The following SORCS2 variants were observed in gnomAD, a reference collection of about 807,000 sequenced individuals.
The protein encoded by SORCS2 is VPS10 domain-containing receptor SorCS2.
Under a neutral mutation model 141.6 loss-of-function variants are expected in SORCS2, and 100 were observed. The observed-to-expected ratio is 0.71, with a 90% confidence interval of 0.60 to 0.83. The LOEUF (loss-of-function observed/expected upper bound fraction) is 0.83. SORCS2 is among the 40% of genes least tolerant of loss of function. The pLI, the probability that SORCS2 is intolerant of heterozygous loss-of-function variation, is 0.00. For missense variants in SORCS2, 1,646 were observed against 1,560.2 expected, an observed-to-expected ratio of 1.05 and a Z score of -0.93; for synonymous variants, 789 against 676.9, an observed-to-expected ratio of 1.17 and a Z score of -2.57.
intron 1 of SORCS2, among the ~76,000 whole-genome samples, chr4:7,380,012 G>T (rs1185171808): frequency 6.6e-6 from 1 of 152,202 alleles, no homozygotes; most frequent in Non-Finnish European, 1.5e-5. Flanking sequence ...CCAGAGCCTG[G>T]CTGAGGACAG....
intron 2 of SORCS2, among the ~76,000 whole-genome samples, chr4:7,445,403 A>G (rs573873548): frequency 6.6e-6 from 1 of 152,224 alleles, no homozygotes; most frequent in African/African-American, 2.4e-5. Flanking sequence ...TCACAGCCCA[A>G]GATGTGGGAG....
At chr4:7,544,486 C>G (rs1458850626) in intron 3 of SORCS2, among the ~76,000 whole-genome samples, 1 of 152,176 alleles carries the variant, frequency 6.6e-6, no homozygotes, top group Non-Finnish European at 1.5e-5. Flanking sequence ...GCCTGAGCAT[C>G]CAAGGCAACA....
intron 1 of SORCS2, among the ~76,000 whole-genome samples, chr4:7,356,233 T>C (rs559233878): frequency 2.0e-5 from 3 of 152,390 alleles, no homozygotes; most frequent in Non-Finnish European, 4.4e-5. Flanking sequence ...CACCACCAGA[T>C]ACAGTATGCA....
intron 10 of SORCS2, among the ~76,000 whole-genome samples, chr4:7,688,702 C>G (rs189528555): frequency 1.6e-5 from 2 of 125,736 alleles, no homozygotes; most frequent in Admixed American, 1.7e-4. Context: ...CTATGGAGTT[C>G]CCTGACTTGG....
At chr4:7,339,704 T>C (rs1197212603) in intron 1 of SORCS2, among the ~76,000 whole-genome samples, 2 of 152,234 alleles carry the variant, frequency 1.3e-5, no homozygotes, top group African/African-American at 4.8e-5. Context: ...TAAGGGCACA[T>C]TCGTAGGTCC....
At chr4:7,717,349 C>T (rs1228872358) in intron 17 of SORCS2, among the ~76,000 whole-genome samples, 1 of 152,350 alleles carries the variant, frequency 6.6e-6, no homozygotes, top group Non-Finnish European at 1.5e-5. Context: ...TGTGGTTTCA[C>T]TCTGACGTGA....
At chr4:7,217,807 C>G (rs1463169355) in intron 1 of SORCS2, among the ~76,000 whole-genome samples, 1 of 152,220 alleles carries the variant, frequency 6.6e-6, no homozygotes, top group Admixed American at 6.5e-5. Flanking sequence ...GGGTGAAGCT[C>G]CGACCTGTGG....
At chr4:7,308,287 C>T (rs1013813403) in intron 1 of SORCS2, among the ~76,000 whole-genome samples, 1 of 151,726 alleles carries the variant, frequency 6.6e-6, no homozygotes, top group African/African-American at 2.4e-5. Context: ...ACCCCCACCA[C>T]CGCCTCCAAC....
chr4:7,519,512 G>T (rs1415875349), intron 2 of SORCS2, among the ~76,000 whole-genome samples: 1 of 152,226 alleles, frequency 6.6e-6, no homozygotes, highest in Non-Finnish European at 1.5e-5. Context: ...GGGGATTAAA[G>T]AAGCAACCCA....
At chr4:7,447,167 C>T (rs4604060) in intron 2 of SORCS2, among the ~76,000 whole-genome samples, 43,019 of 152,080 alleles carry the variant, frequency 0.28, 6,222 homozygotes, top group South Asian at 0.38. Context: ...TGGTTCCTTC[C>T]GAGGCTGTGA....
chr4:7,459,231 C>A (rs144346784), intron 2 of SORCS2, among the ~76,000 whole-genome samples: 26 of 152,196 alleles, frequency 1.7e-4, no homozygotes, highest in Non-Finnish European at 3.7e-4. Context: ...CACCCTTCTC[C>A]GAGTCTCTGT....
intron 3 of SORCS2, among the ~76,000 whole-genome samples, chr4:7,580,219 T>C (rs1716051265): frequency 6.6e-6 from 1 of 152,202 alleles, no homozygotes; most frequent in South Asian, 2.1e-4. Context: ...TGGTGGCTCA[T>C]GCCTGTAATC....
chr4:7,518,761 A>G (rs1158354662), intron 2 of SORCS2, among the ~76,000 whole-genome samples: 2 of 152,102 alleles, frequency 1.3e-5, no homozygotes, highest in Non-Finnish European at 2.9e-5. Context: ...ACTCTCCACC[A>G]TGTCAGGCCA....
At chr4:7,203,068 G>C (rs1727559557) in intron 1 of SORCS2, among the ~76,000 whole-genome samples, 1 of 152,198 alleles carries the variant, frequency 6.6e-6, no homozygotes, top group South Asian at 2.1e-4. Context: ...CTTGCCCCCA[G>C]TCACACAGCT....
At chr4:7,539,505 A>G (rs1415128771) in intron 3 of SORCS2, among the ~76,000 whole-genome samples, 1 of 152,136 alleles carries the variant, frequency 6.6e-6, no homozygotes, top group African/African-American at 2.4e-5. Flanking sequence ...TCTCCCACCC[A>G]TGTGTAGGGT....
At chr4:7,250,281 G>A (rs889511742) in intron 1 of SORCS2, among the ~76,000 whole-genome samples, 4 of 143,630 alleles carry the variant, frequency 2.8e-5, no homozygotes, top group Admixed American at 2.1e-4. Context: ...GAAGGTGAAG[G>A]CCTGCTTCCA....
intron 2 of SORCS2, among the ~76,000 whole-genome samples, chr4:7,426,402 C>A (rs969254190): frequency 1.3e-5 from 2 of 151,356 alleles, no homozygotes; most frequent in African/African-American, 4.9e-5. Context: ...TGAGGGTGGC[C>A]CCTGGGGGCC....
At chr4:7,317,236 C>G (rs115528569) in intron 1 of SORCS2, among the ~76,000 whole-genome samples, 2,794 of 152,276 alleles carry the variant, frequency 0.018, 49 homozygotes, top group Middle Eastern at 0.031. Flanking sequence ...ATACAGAGTG[C>G]TGGGGGCTAT....
intron 2 of SORCS2, among the ~76,000 whole-genome samples, chr4:7,443,651 C>G (rs1727818547): frequency 6.6e-6 from 1 of 152,228 alleles, no homozygotes; most frequent in Admixed American, 6.5e-5. Context: ...CCGGAGACCA[C>G]AGAAACTTAG....
Sources: allele counts gnomAD v4.1 joint callset (sites outside exome capture counted in the v4.1 genomes callset), GRCh38; gene constraint gnomAD v4.1.1; transcripts MANE v1.5; gene names NCBI Gene and HGNC (gene_info 2026-07-23, HGNC 2026-07-21).